The following UGT1A9 variants were observed in gnomAD, a reference collection of about 807,000 sequenced individuals.
UGT1A9 encodes UDP glucuronosyltransferase family 1 member A9.
Under a neutral mutation model 45.0 loss-of-function variants are expected in UGT1A9, and 35 were observed. The observed-to-expected ratio is 0.78, with a 90% CI of 0.59 to 1.03. The LOEUF is 1.03. Among genes scored for constraint, UGT1A9 ranks in the 50% least tolerant of loss-of-function variants. The pLI is 0.00. For synonymous variants in UGT1A9, 278 were observed against 250.6 expected, an observed-to-expected ratio of 1.11 and a Z score of -1.03; for missense variants, 687 against 666.6, an observed-to-expected ratio of 1.03 and a Z score of -0.34.
At chr2:233,755,060 C>G (rs747080554) in intron 1 of UGT1A9, 1 of 1,334,970 alleles carries the variant, frequency 7.5e-7, no homozygotes, top group South Asian at 1.1e-5. Context: ...CCGCCCTCGC[C>G]TCGCCATAGC....
At chr2:233,673,894 T>C (rs993118283) in intron 1 of UGT1A9, among the ~76,000 whole-genome samples, 1 of 152,240 alleles carries the variant, frequency 6.6e-6, no homozygotes, top group Non-Finnish European at 1.5e-5. Context: ...TTTATACCAC[T>C]TATTTTGCTT....
chr2:233,743,398 G>A, intron 1 of UGT1A9: 3 of 1,279,318 alleles, frequency 2.3e-6, no homozygotes. Context: ...GCAGAAGGAA[G>A]AAAGGCCCCC....
In UGT1A9 at chr2:233,719,505, G is replaced by T. The variant is rs1559364966; in HGVS notation, c.855+46716G>T. ...GTCCTACATTTGCCATACTTTTTCT[G>T]CCCCTTATGCAAGTCTTGCCTCTGA... On this transcript the variant is annotated intron_variant, in intron 1 of 4. Transcript: ENST00000354728. The T allele has an allele frequency of 1.9e-6, 3 of 1,613,876 alleles. No individual in the cohort carries two copies. Among genetic ancestry groups the T allele is most frequent in the Non-Finnish European group, 2.5e-6 (3 of 1,179,860 alleles).
intron 1 of UGT1A9, among the ~76,000 whole-genome samples, chr2:233,706,826 G>A (rs1466880885): frequency 6.6e-6 from 1 of 152,170 alleles, no homozygotes; most frequent in African/African-American, 2.4e-5. Context: ...CCCAGGGCAG[G>A]ACTCTAAACA....
At chr2:233,751,205 G>C (rs1471569540) in intron 1 of UGT1A9, among the ~76,000 whole-genome samples, 1 of 151,980 alleles carries the variant, frequency 6.6e-6, no homozygotes, top group East Asian at 1.9e-4. Context: ...TAATTTTGGA[G>C]CTTTAAGATT....
At chr2:233,684,957 G>A (rs1028943175) in intron 1 of UGT1A9, among the ~76,000 whole-genome samples, 1 of 79,316 alleles carries the variant, frequency 1.3e-5, no homozygotes, top group African/African-American at 3.6e-5. Flanking sequence ...TCTGTCTGAT[G>A]AAAAGAAAGC....
chr2:233,704,584 A>G (rs1284227001), intron 1 of UGT1A9, among the ~76,000 whole-genome samples: 1 of 152,162 alleles, frequency 6.6e-6, no homozygotes, highest in Non-Finnish European at 1.5e-5. Context: ...CAAGAATCAG[A>G]GAGAAGAAAG....
chr2:233,677,661 A>C lies in UGT1A9; in HGVS notation c.855+4872A>C, dbSNP rs544267971. ...CACACCAGTTAGAATGGCTGTTATT[A>C]AAAAGTCAAGAAATAATAGATGCTG... On this transcript the variant is annotated intron_variant, in intron 1 of 4. Transcript: ENST00000354728. 7.2e-5 allele frequency among the ~76,000 whole-genome samples: 11 copies of C among 152,290 alleles called. No individual in the cohort carries two copies. In the East Asian group the frequency reaches 2.1e-3, roughly 29 times the overall value.
intron 1 of UGT1A9, among the ~76,000 whole-genome samples, chr2:233,752,106 AGAG>A (rs1694895437): frequency 6.6e-6 from 1 of 152,236 alleles, no homozygotes; most frequent in Non-Finnish European, 1.5e-5. Flanking sequence ...AAGTAGAATC[AGAG>A]GAGAAGAAGA....
chr2:233,687,125 T>A (rs1442765232), intron 1 of UGT1A9, among the ~76,000 whole-genome samples: 5 of 152,224 alleles, frequency 3.3e-5, no homozygotes, highest in African/African-American at 1.2e-4. Context: ...AAACTCAGCG[T>A]TATCTAGATT....
intron 1 of UGT1A9, among the ~76,000 whole-genome samples, chr2:233,737,698 T>C (rs1168746375): frequency 6.6e-6 from 1 of 152,140 alleles, no homozygotes; most frequent in Non-Finnish European, 1.5e-5. Flanking sequence ...TGCTGAAGCT[T>C]CCGTTCTCCT....
chr2:233,682,275 C>G (rs1361366825), intron 1 of UGT1A9: 1 of 1,614,028 alleles, frequency 6.2e-7, no homozygotes, highest in African/African-American at 1.3e-5. Context: ...ACAAGTTCAT[C>G]CAATGGTATT....
At chr2:233,766,576 G>A (rs983735374) in intron 1 of UGT1A9, among the ~76,000 whole-genome samples, 1 of 152,162 alleles carries the variant, frequency 6.6e-6, no homozygotes, top group Non-Finnish European at 1.5e-5. Flanking sequence ...GCACAGGTCT[G>A]GGGGTGGAGC....
chr2:233,745,571 G>A (rs1471928952), intron 1 of UGT1A9, among the ~76,000 whole-genome samples: 1 of 151,668 alleles, frequency 6.6e-6, no homozygotes, highest in African/African-American at 2.4e-5. Flanking sequence ...ATAGCCTCTA[G>A]TGACATAACC....
At chr2:233,691,652 C>T (rs2075051422) in intron 1 of UGT1A9, 2 of 984,984 alleles carry the variant, frequency 2.0e-6, no homozygotes, top group Non-Finnish European at 2.4e-6. Context: ...CCAGTGTGAC[C>T]CTCCCTTTCT....
intron 1 of UGT1A9, among the ~76,000 whole-genome samples, chr2:233,733,906 G>A (rs576095795): frequency 6.6e-6 from 1 of 152,124 alleles, no homozygotes; most frequent in South Asian, 2.1e-4. Context: ...GTACCTCTCT[G>A]GTAGAATTCG....
intron 1 of UGT1A9, among the ~76,000 whole-genome samples, chr2:233,764,826 T>G (rs932278016): frequency 5.9e-5 from 9 of 151,744 alleles, no homozygotes; most frequent in African/African-American, 2.2e-4. Flanking sequence ...TGCAGCATGG[T>G]GGTGGGGAGG....
intron 1 of UGT1A9, among the ~76,000 whole-genome samples, chr2:233,737,441 G>A (rs780915851): frequency 1.6e-4 from 24 of 152,174 alleles, no homozygotes; most frequent in Non-Finnish European, 2.1e-4. Flanking sequence ...GGAGTGTCCC[G>A]TTTTTCCAGG....
At chr2:233,700,667 C>G (rs1209326436) in intron 1 of UGT1A9, among the ~76,000 whole-genome samples, 1 of 152,052 alleles carries the variant, frequency 6.6e-6, no homozygotes, top group Non-Finnish European at 1.5e-5. Context: ...TACTTTTCAG[C>G]ACAAATTCGT....
Sources: gnomAD v4.1 joint callset for allele counts (sites outside exome capture counted in the v4.1 genomes callset) on GRCh38, gnomAD v4.1.1 for gene constraint, MANE v1.5 for transcripts, NCBI Gene and HGNC (gene_info 2026-07-23, HGNC 2026-07-21) for gene names.